RNF220: variants seen among roughly 807,000 people sequenced by gnomAD.
The protein encoded by RNF220 is E3 ubiquitin-protein ligase RNF220.
A neutral mutation model predicts 67.1 loss-of-function variants in RNF220; 7 were observed. The observed-to-expected ratio is 0.10, with a 90% CI of 0.06 to 0.20. The LOEUF (loss-of-function observed/expected upper bound fraction) is 0.20, where lower values mean the gene tolerates loss of function less well. Among genes scored for constraint, RNF220 ranks in the 10% least tolerant of loss-of-function variants. The probability of loss-of-function intolerance (pLI) is 1.00; values close to 1 mark genes in which losing one functional copy is unlikely to be tolerated. For synonymous variants in RNF220, 270 were observed against 283.2 expected, an observed-to-expected ratio of 0.95 and a Z score of 0.47; for missense variants, 565 against 740.3, an observed-to-expected ratio of 0.76 and a Z score of 2.75.
chr1:44,430,739 G>T (rs1476285449), intron 2 of RNF220, among the ~76,000 whole-genome samples: 5 of 152,138 alleles, frequency 3.3e-5, no homozygotes, highest in Non-Finnish European at 7.4e-5. Context: ...TAGAGACAGG[G>T]TTTCACCATC....
At chr1:44,534,849 C>T (rs560810197) in intron 2 of RNF220, among the ~76,000 whole-genome samples, 14 of 152,118 alleles carry the variant, frequency 9.2e-5, no homozygotes, top group East Asian at 1.9e-4. Flanking sequence ...TTATCTGATA[C>T]GGACAGACAT....
chr1:44,626,412 G>A lies in RNF220; in HGVS notation c.906+14G>A, dbSNP rs377740521. 33 of 1,604,832 alleles carry A rather than the reference G, an allele frequency of 2.1e-5. No individual in the cohort carries two copies. The highest frequency in any genetic ancestry group is 2.8e-5 in the Non-Finnish European group (33 of 1,171,912). On this transcript the variant is annotated intron_variant, in intron 5 of 14. Transcript: ENST00000361799. ...GACAGATACCAGGTGAGGAGGGGTG[G>A]TGAGTGGCCATGAGAAGCAAGCTCA...
chr1:44,612,324 A>G (rs1309310763), intron 2 of RNF220, among the ~76,000 whole-genome samples: 2 of 152,232 alleles, frequency 1.3e-5, no homozygotes, highest in Middle Eastern at 3.2e-3. Flanking sequence ...TTGTCTATAA[A>G]TATAAAGATA....
rs1184269902 is a variant in RNF220, at chr1:44,645,257, C to A, written c.1347C>A (p.Phe449Leu). The stretch of plus-strand genomic sequence containing the variant: ...CCAGCACGCGCATCACACCTGAGTT[C>A]TCTAAATGGGCCAGTGATGGTAAGT... ...GPPSTRITPE[F>L]SKWASDEMPS... Residue 449 changes from phenylalanine (F) to leucine (L), a missense_variant, in exon 11 of 15, where the codon TTC becomes TTA. Phe to Leu is a conservative substitution (Grantham distance 22, BLOSUM62 0). Coordinates refer to ENST00000361799, the MANE Select transcript of RNF220 (RefSeq NM_018150.4). This position sits in a 1 kb window ranked among gnomAD's most constrained non-coding sequence, Gnocchi z 5.0. 3 of 1,613,986 alleles carry A rather than the reference C, an allele frequency of 1.9e-6. No homozygotes were observed. The African/African-American group carries it at 4.0e-5, about 22-fold the overall frequency.
intron 2 of RNF220, among the ~76,000 whole-genome samples, chr1:44,592,992 A>T (rs2355360): frequency 0.37 from 56,483 of 151,918 alleles, 11,196 homozygotes; most frequent in African/African-American, 0.51. Flanking sequence ...GAGAGGAAGG[A>T]GTTTTTGATG....
chr1:44,579,145 G>A (rs1011458947), intron 2 of RNF220, among the ~76,000 whole-genome samples: 2 of 150,704 alleles, frequency 1.3e-5, no homozygotes, highest in African/African-American at 2.4e-5. Flanking sequence ...GACAGATCGA[G>A]ACTCTGTCTC....
intron 2 of RNF220, among the ~76,000 whole-genome samples, chr1:44,523,970 C>T (rs923387611): frequency 6.6e-5 from 10 of 152,308 alleles, no homozygotes; most frequent in South Asian, 6.2e-4. Flanking sequence ...CCAAGAGCAG[C>T]GGCATTGTGA....
At chr1:44,429,051 C>G (rs915150622) in intron 2 of RNF220, among the ~76,000 whole-genome samples, 1 of 152,004 alleles carries the variant, frequency 6.6e-6, no homozygotes, top group African/African-American at 2.4e-5. Flanking sequence ...CCAAAACTGT[C>G]TTTTGCCTCC....
At chr1:44,518,029 C>T (rs1354241723) in intron 2 of RNF220, among the ~76,000 whole-genome samples, 1 of 152,196 alleles carries the variant, frequency 6.6e-6, no homozygotes, top group Non-Finnish European at 1.5e-5. Flanking sequence ...ATCACTTGAA[C>T]CCGGGAGGCG....
chr1:44,407,252 G>A (rs894130363), intron 1 of RNF220, among the ~76,000 whole-genome samples: 9 of 152,134 alleles, frequency 5.9e-5, no homozygotes, highest in Non-Finnish European at 1.2e-4. Context: ...CCTCCGCTCC[G>A]GACTCGGCTT....
intron 2 of RNF220, among the ~76,000 whole-genome samples, chr1:44,592,999 G>C (rs1666224200): frequency 6.6e-6 from 1 of 152,170 alleles, no homozygotes; most frequent in South Asian, 2.1e-4. Context: ...AGGAGTTTTT[G>C]ATGGGGGGGA....
intron 2 of RNF220, among the ~76,000 whole-genome samples, chr1:44,492,167 T>C (rs1656913509): frequency 6.6e-6 from 1 of 152,194 alleles, no homozygotes. Flanking sequence ...ACGAAAAATA[T>C]TCAATATCTT....
chr1:44,552,763 G>GT (rs1386739971), intron 2 of RNF220, among the ~76,000 whole-genome samples: 1 of 151,692 alleles, frequency 6.6e-6, no homozygotes, highest in Admixed American at 6.6e-5. Context: ...TGGAGACGGG[G>GT]TTTCACCTTG....
chr1:44,583,215 G>GATATATATATAT (rs35343175), intron 2 of RNF220, among the ~76,000 whole-genome samples: 51 of 149,048 alleles, frequency 3.4e-4, no homozygotes, highest in African/African-American at 1.2e-3. Context: ...TCCAGAAGCA[G>GATATATATATAT]ATATATATAT....
rs185531669 is a variant in RNF220, at chr1:44,591,172, C to T, written c.626-22993C>T. Among the ~76,000 whole-genome samples, 55 of 152,266 alleles carry T rather than the reference C, an allele frequency of 3.6e-4. No homozygotes were observed. In the East Asian group the frequency reaches 7.9e-3, roughly 22 times the overall value. ...TTCACCATGTTGGCCAGGCAGGTCTCGAACTCCTGACCTCAGATGATCTGT... is the reference window on the plus strand; with the variant it reads ...TTCACCATGTTGGCCAGGCAGGTCTTGAACTCCTGACCTCAGATGATCTGT... On this transcript the variant is annotated intron_variant, in intron 2 of 14. Transcript: ENST00000361799.
chr1:44,489,233 G>T (rs1572658863), intron 2 of RNF220, among the ~76,000 whole-genome samples: 1 of 152,276 alleles, frequency 6.6e-6, no homozygotes, highest in East Asian at 1.9e-4. Flanking sequence ...AGCAAAAAAA[G>T]TTGTACCGAA....
chr1:44,487,370 T>A lies in RNF220; in HGVS notation c.625+74648T>A, dbSNP rs564877805. ...AAATAAATAAATAAATAAATAATTT[T>A]AAAAAATAAAAAATAAAATAAAATG... is the stretch of plus-strand genomic sequence containing the variant. On this transcript the variant is annotated intron_variant, in intron 2 of 14. Transcript: ENST00000361799. Among the ~76,000 whole-genome samples the A allele has an allele frequency of 2.5e-3, 370 of 150,162 alleles. 3 individuals are homozygous for A. Among genetic ancestry groups the A allele is most frequent in the African/African-American group, 8.6e-3 (353 of 40,828 alleles).
intron 2 of RNF220, among the ~76,000 whole-genome samples, chr1:44,599,815 A>G (rs1279241186): frequency 2.0e-5 from 3 of 152,230 alleles, no homozygotes; most frequent in Non-Finnish European, 4.4e-5. Context: ...GGAGAGGGGC[A>G]TGTATGATAA....
intron 2 of RNF220, among the ~76,000 whole-genome samples, chr1:44,444,246 C>A (rs1651851737): frequency 6.6e-6 from 1 of 152,160 alleles, no homozygotes; most frequent in South Asian, 2.1e-4. Context: ...AATTTTATCA[C>A]ACATGTAAAC....
Sources: allele counts gnomAD v4.1 joint callset (sites outside exome capture counted in the v4.1 genomes callset), GRCh38; gene constraint gnomAD v4.1.1; non-coding constraint Gnocchi (gnomAD v3.1); transcripts MANE v1.5; gene names NCBI Gene and HGNC (gene_info 2026-07-23, HGNC 2026-07-21).